Variants in ABCD3 observed in about 807,000 individuals in gnomAD.
The protein encoded by ABCD3 is ATP binding cassette subfamily D member 3.
ABCD3 carries 41 observed loss-of-function variants against 105.5 expected under a neutral mutation model. The ratio of observed to expected loss-of-function variants is 0.39; its 90% CI spans 0.30 to 0.50. ABCD3 has a LOEUF of 0.50. ABCD3 is among the 20% of genes least tolerant of loss of function. ABCD3 has a pLI of 0.84. For missense variants in ABCD3, 622 were observed against 806.3 expected, an observed-to-expected ratio of 0.77 and a Z score of 2.77; for synonymous variants, 258 against 269.0, an observed-to-expected ratio of 0.96 and a Z score of 0.40.
chr1:94,403,680 A>G, the ABCD3 span, among the ~76,000 whole-genome samples: 1 of 152,156 alleles, frequency 6.6e-6, no homozygotes, highest in Non-Finnish European at 1.5e-5. Flanking sequence ...TACTGGACTT[A>G]TTTTGGTGTA....
chr1:94,417,612 C>A (rs1404347371), upstream of ABCD3, among the ~76,000 whole-genome samples: 2 of 152,250 alleles, frequency 1.3e-5, no homozygotes, highest in African/African-American at 4.8e-5. Context: ...TTGCAAAGAA[C>A]AGTGTTTCTC....
chr1:94,455,294 A>T (rs1037837721), intron 1 of ABCD3, among the ~76,000 whole-genome samples: 3 of 152,080 alleles, frequency 2.0e-5, no homozygotes, highest in African/African-American at 7.2e-5. Context: ...AACAAATCTC[A>T]TAAAGAAGTT....
the ABCD3 span, among the ~76,000 whole-genome samples, chr1:94,404,356 A>G: frequency 6.6e-6 from 1 of 152,330 alleles, no homozygotes; most frequent in Middle Eastern, 3.4e-3. Flanking sequence ...AAGACTGAGG[A>G]TGTATAGTCA....
the ABCD3 span, among the ~76,000 whole-genome samples, chr1:94,401,617 TC>T: frequency 1.3e-5 from 2 of 152,248 alleles, no homozygotes; most frequent in Middle Eastern, 3.2e-3. Flanking sequence ...AGTTATTTTT[TC>T]TTTCATATTT....
Position 94,480,250 on chromosome 1 carries a change from A to G in ABCD3, c.685-214A>G, listed in dbSNP as rs191905605. The stretch of plus-strand genomic sequence containing the variant: ...GCAAAATGTAGGAGAGCTGAGGGAT[A>G]AGCTACAGTGGTAAGAGGAAAAGCC... On this transcript the variant is annotated intron_variant, in intron 8 of 22. Transcript: ENST00000370214. 8 of 588,760 alleles carry G rather than the reference A, an allele frequency of 1.4e-5. No homozygotes were observed. The Admixed American group carries it at 2.4e-4, about 18-fold the overall frequency. The allele number at this position is 588,760 out of a possible 1,614,324, so 36.5% of individuals were successfully genotyped here. A position where few individuals can be genotyped will look rare whatever the true frequency, so the allele number is the denominator to read the frequency against.
chr1:94,405,567 G>A, the ABCD3 span, among the ~76,000 whole-genome samples: 3 of 152,050 alleles, frequency 2.0e-5, no homozygotes, highest in South Asian at 6.2e-4. Context: ...GCCTCCCAAA[G>A]TACTGGGATT....
intron 8 of ABCD3, 166 bp from the exon 9 acceptor site, chr1:94,480,298 G>A: frequency 1.4e-6 from 1 of 710,366 alleles, no homozygotes; most frequent in Non-Finnish European, 2.4e-6. Context: ...AAGTGTAGAG[G>A]CTACTGTGTA....
the ABCD3 span, among the ~76,000 whole-genome samples, chr1:94,395,464 C>T: frequency 9.9e-5 from 15 of 152,280 alleles, no homozygotes; most frequent in African/African-American, 3.1e-4. Context: ...GACTTCCCAG[C>T]AGGAACCGTG....
chr1:94,422,741 T>A (rs1659307802), intron 1 of ABCD3, among the ~76,000 whole-genome samples: 1 of 152,238 alleles, frequency 6.6e-6, no homozygotes, highest in Admixed American at 6.5e-5. Flanking sequence ...AGTACAAACA[T>A]GAATAGAAAC....
intron 20 of ABCD3, 129 bp downstream of exon 20, chr1:94,499,743 C>A: frequency 8.7e-7 from 1 of 1,148,506 alleles, no homozygotes; most frequent in Non-Finnish European, 1.2e-6. Flanking sequence ...TTTAAATTAT[C>A]ATAAAAGTGC....
intron 1 of ABCD3, among the ~76,000 whole-genome samples, chr1:94,456,717 C>G (rs1243010265): frequency 6.6e-6 from 1 of 152,008 alleles, no homozygotes; most frequent in Non-Finnish European, 1.5e-5. Flanking sequence ...CGTGAGAGTG[C>G]AGATACCTCT....
At chr1:94,515,720 CAG>C (rs1447380803) in intron 22 of ABCD3, among the ~76,000 whole-genome samples, 1 of 152,076 alleles carries the variant, frequency 6.6e-6, no homozygotes, top group East Asian at 1.9e-4. Context: ...TCTGGTGCTT[CAG>C]TAGTGCCATT....
chr1:94,426,276 G>C (rs1183354405), intron 1 of ABCD3, among the ~76,000 whole-genome samples: 1 of 152,026 alleles, frequency 6.6e-6, no homozygotes, highest in Non-Finnish European at 1.5e-5. Flanking sequence ...TTCAGTTGCT[G>C]CTTCCTGAAT....
At chr1:94,467,804 T>C in intron 3 of ABCD3, 115 bp from the exon 4 acceptor site, 1 of 710,360 alleles carries the variant, frequency 1.4e-6, no homozygotes, top group Non-Finnish European at 2.5e-6. Flanking sequence ...CAGCCAACTA[T>C]ATTGAAACTT....
At chr1:94,476,856 A>T (rs1034217003) in intron 7 of ABCD3, among the ~76,000 whole-genome samples, 3 of 152,032 alleles carry the variant, frequency 2.0e-5, no homozygotes, top group Non-Finnish European at 2.9e-5. Context: ...TTCTGTTCCC[A>T]TTACCACATT....
chr1:94,513,638 G>A (rs1650788385), intron 21 of ABCD3: 1 of 152,010 alleles, frequency 6.6e-6, no homozygotes, highest in Non-Finnish European at 1.5e-5. Context: ...TAAACCAGTG[G>A]TTTGGGATTT....
At chr1:94,478,713 TA>T in intron 8 of ABCD3, 1 of 961,806 alleles carries the variant, frequency 1.0e-6, no homozygotes, top group Non-Finnish European at 1.4e-6. Context: ...CAGAAGTTCT[TA>T]AACCATGAAT....
rs11799679 is a variant in ABCD3 at position 94,501,300 on chromosome 1, A to G, written c.1740+1686A>G. On this transcript the variant is annotated intron_variant, in intron 20 of 22. Transcript: ENST00000370214. ...AAAAAAAAAACACATGATCCATAAT[A>G]GAGGCGTTTGGGAAATGGGGAAAGC... Among the ~76,000 whole-genome samples the G allele has an allele frequency of 8.4e-3, 1,275 of 151,706 alleles. 19 individuals are homozygous for G. Among genetic ancestry groups the G allele is most frequent in the African/African-American group, 0.03 (1,225 of 41,350 alleles).
At chr1:94,438,301 T>TACAC (rs58959540) in intron 1 of ABCD3, among the ~76,000 whole-genome samples, 6,393 of 128,076 alleles carry the variant, frequency 0.05, 209 homozygotes, top group South Asian at 0.075. Context: ...CACACACACA[T>TACAC]ACACACACAC....
Sources: allele counts gnomAD v4.1 joint callset (sites outside exome capture counted in the v4.1 genomes callset), GRCh38; gene constraint gnomAD v4.1.1; transcripts MANE v1.5; gene names NCBI Gene and HGNC (gene_info 2026-07-23, HGNC 2026-07-21).